USP13: variants seen among roughly 807,000 people sequenced by gnomAD.
The protein encoded by USP13 is ubiquitin carboxyl-terminal hydrolase 13.
USP13 carries 68 observed loss-of-function variants against 107.8 expected under a neutral mutation model. That is an observed-to-expected ratio of 0.63 (90% CI 0.52 to 0.77). The LOEUF is 0.77. Among genes scored for constraint, USP13 ranks in the 30% least tolerant of loss-of-function variants. The pLI, the probability that USP13 is intolerant of heterozygous loss-of-function variation, is 0.00. For synonymous variants in USP13, 377 were observed against 389.5 expected (o/e 0.97, Z 0.38); for missense variants, 945 against 1,093.3 (o/e 0.86, Z 1.91).
intron 10 of USP13, among the ~76,000 whole-genome samples, chr3:179,737,885 A>G (rs1456654574): frequency 6.6e-6 from 1 of 152,232 alleles, no homozygotes; most frequent in East Asian, 1.9e-4. Context: ...GTCACTAAAT[A>G]CTAAATGCCC....
At chr3:179,781,908 G>A (rs1302501308) in intron 20 of USP13, 85 bp downstream of exon 20, 1 of 1,223,880 alleles carries the variant, frequency 8.2e-7, no homozygotes, top group Non-Finnish European at 1.2e-6. Context: ...TACATTGTAT[G>A]TTATCTTATT....
intron 12 of USP13, among the ~76,000 whole-genome samples, chr3:179,744,683 A>T (rs1714333863): frequency 6.6e-6 from 1 of 152,114 alleles, no homozygotes; most frequent in African/African-American, 2.4e-5. Flanking sequence ...TGTTGGGAGG[A>T]TGGCATTTGA....
At chr3:179,777,492 G>A (rs1204581509) in intron 19 of USP13, among the ~76,000 whole-genome samples, 5 of 130,142 alleles carry the variant, frequency 3.8e-5, no homozygotes, top group African/African-American at 1.2e-4. Context: ...TCATTCTGTC[G>A]CCCAGGCTGG....
Position 179,784,157 on chromosome 3 carries a change from A to G in USP13, c.*16A>G. The G allele has an allele frequency of 6.3e-7, 1 of 1,587,770 alleles. No individual in the cohort carries two copies. Among genetic ancestry groups the G allele is most frequent in the East Asian group, 2.2e-5 (1 of 44,752 alleles). On this transcript the variant is annotated 3_prime_UTR_variant, in exon 21 of 21. Transcript: ENST00000263966. ...ACCAAGCTAAACCTCAAATATAAAAATTGGCGAAAAGAAGCCATACGCCTT... is the reference window on the plus strand; with the variant it reads ...ACCAAGCTAAACCTCAAATATAAAAGTTGGCGAAAAGAAGCCATACGCCTT...
chr3:179,681,508 G>T (rs1711651536), intron 1 of USP13, among the ~76,000 whole-genome samples: 1 of 152,200 alleles, frequency 6.6e-6, no homozygotes, highest in Admixed American at 6.5e-5. Context: ...ATCACAAAGA[G>T]ATAAATGCAG....
chr3:179,719,157 C>T (rs1281289839), intron 6 of USP13, among the ~76,000 whole-genome samples: 2 of 152,146 alleles, frequency 1.3e-5, no homozygotes, highest in African/African-American at 4.8e-5. Flanking sequence ...AGGCAGCCCA[C>T]CTCAGCACAG....
rs765553069 is a variant in USP13 at position 179,719,942 on chromosome 3, G to A, written c.808G>A (p.Val270Ile). The A allele has an allele frequency of 2.5e-6, 4 of 1,613,312 alleles. No homozygotes were observed. The South Asian group carries it at 4.4e-5, about 18-fold the overall frequency. ...CTTATTTTCTCTTCATCCGCTAGAT[G>A]TTTATTCTTTTCAAGAAGAAGAACC... ...LGTITPDGAD[V>I]YSFQEEEPVL... is the part of the protein sequence containing the mutation. The change falls in exon 7 of 21, where the codon GTT becomes ATT. Residue 270 changes from valine (V) to isoleucine (I), a missense_variant and splice_region_variant. Coordinates refer to ENST00000263966, the MANE Select transcript of USP13 (RefSeq NM_003940.3).
In USP13 at chr3:179,756,953, G is replaced by A. The variant is rs188820485; in HGVS notation, c.1922-99G>A. The A allele has an allele frequency of 1.3e-5, 16 of 1,243,066 alleles. No homozygotes were observed. In the African/African-American group the frequency reaches 2.1e-4, roughly 16 times the overall value. 77.0% of individuals were successfully genotyped at this position (1,243,066 alleles called of 1,614,324 possible). A position where few individuals can be genotyped will look rare whatever the true frequency, so the allele number is the denominator to read the frequency against. ...AACAGTGTGTGGTCCCCAGGAGTGGGGAGGGCATTGGAAATGCCCTGGATC... is the reference window on the plus strand; with the variant it reads ...AACAGTGTGTGGTCCCCAGGAGTGGAGAGGGCATTGGAAATGCCCTGGATC... On this transcript the variant is annotated intron_variant, in intron 15 of 20. Coordinates refer to ENST00000263966, the MANE Select transcript of USP13 (RefSeq NM_003940.3).
At chr3:179,697,900 T>G (rs1228884689) in intron 3 of USP13, among the ~76,000 whole-genome samples, 3 of 152,190 alleles carry the variant, frequency 2.0e-5, no homozygotes, top group Non-Finnish European at 4.4e-5. Context: ...TTAAACTAAG[T>G]GTAAAGAAGC....
intron 2 of USP13, among the ~76,000 whole-genome samples, chr3:179,688,978 A>G (rs1191277606): frequency 6.6e-6 from 1 of 152,262 alleles, no homozygotes; most frequent in Non-Finnish European, 1.5e-5. Flanking sequence ...TAAGATGTGA[A>G]CTGTAAACCT....
intron 7 of USP13, 46 bp downstream of exon 7, chr3:179,720,080 G>T: frequency 6.9e-7 from 1 of 1,456,318 alleles, no homozygotes. Context: ...TGGGGTAGGG[G>T]TGGGGAGACG....
intron 19 of USP13, among the ~76,000 whole-genome samples, chr3:179,772,572 A>C (rs555534057): frequency 6.6e-6 from 1 of 152,346 alleles, no homozygotes; most frequent in East Asian, 1.9e-4. Context: ...TCCCCAGGGA[A>C]GCTAAGCCCC....
At chr3:179,734,614 T>C (rs1713921569) in intron 10 of USP13, among the ~76,000 whole-genome samples, 1 of 152,246 alleles carries the variant, frequency 6.6e-6, no homozygotes, top group African/African-American at 2.4e-5. Context: ...ACCTCTATTT[T>C]CCTAGGTTAG....
At chr3:179,715,857 C>G (rs1490579450) in intron 6 of USP13, among the ~76,000 whole-genome samples, 2 of 152,258 alleles carry the variant, frequency 1.3e-5, no homozygotes, top group African/African-American at 4.8e-5. Context: ...GGTGTTTGAC[C>G]AGGAGCTTTG....
At chr3:179,765,565 A>G (rs1715144592) in intron 18 of USP13, 130 bp from the exon 19 acceptor site, 2 of 1,079,598 alleles carry the variant, frequency 1.9e-6, no homozygotes, top group Admixed American at 3.0e-5. Context: ...CTTCTTACTC[A>G]GTGGCACTTA....
intron 16 of USP13, among the ~76,000 whole-genome samples, chr3:179,759,017 T>A (rs1714911577): frequency 6.6e-6 from 1 of 152,010 alleles, no homozygotes; most frequent in African/African-American, 2.4e-5. Context: ...AGTGTCACTC[T>A]GTCACCCAGG....
In USP13 at chr3:179,745,220, A is replaced by G; in HGVS notation, c.1709+3A>G. On this transcript the variant is annotated splice_donor_region_variant and intron_variant, in intron 13 of 20. Coordinates refer to ENST00000263966, the MANE Select transcript of USP13 (RefSeq NM_003940.3). ...CAAGCAAAGTCTGCGGGTGTGAAGT[A>G]AGTGTGTGTATATGTGGTGGCAGTG... 1 of 1,606,324 alleles carries G rather than the reference A, an allele frequency of 6.2e-7. No homozygotes were observed. Among genetic ancestry groups the G allele is most frequent in the South Asian group, 1.1e-5 (1 of 90,970 alleles).
intron 7 of USP13, among the ~76,000 whole-genome samples, chr3:179,720,714 T>C (rs961666611): frequency 1.3e-5 from 2 of 152,184 alleles, no homozygotes; most frequent in Non-Finnish European, 2.9e-5. Flanking sequence ...GCATTGAATA[T>C]TCCCTTGAAT....
chr3:179,765,979 T>G (rs1715162338), intron 19 of USP13, 131 bp downstream of exon 19: 2 of 943,876 alleles, frequency 2.1e-6, no homozygotes, highest in Non-Finnish European at 2.9e-6. Context: ...TCTTCTTCGT[T>G]TTTTTTTTTT....
Sources: allele counts gnomAD v4.1 joint callset (sites outside exome capture counted in the v4.1 genomes callset), GRCh38; gene constraint gnomAD v4.1.1; transcripts MANE v1.5; gene names NCBI Gene and HGNC (gene_info 2026-07-23, HGNC 2026-07-21).